The following CACNA1E variants were observed in gnomAD, a reference collection of about 807,000 sequenced individuals.
The protein encoded by CACNA1E is calcium voltage-gated channel subunit alpha1 E, also known as voltage-dependent R-type calcium channel subunit alpha-1E.
Under a neutral mutation model 259.2 loss-of-function variants are expected in CACNA1E, and 40 were observed. That is an observed-to-expected ratio of 0.15 (90% CI 0.12 to 0.20). The LOEUF (loss-of-function observed/expected upper bound fraction) is 0.20, where lower values mean the gene tolerates loss of function less well. Among genes scored for constraint, CACNA1E ranks in the 10% least tolerant of loss-of-function variants. The probability of loss-of-function intolerance (pLI) is 1.00; values close to 1 mark genes in which losing one functional copy is unlikely to be tolerated. For synonymous variants in CACNA1E, 1,104 were observed against 1,138.5 expected (o/e 0.97, Z 0.61); for missense variants, 1,874 against 3,040.1 (o/e 0.62, Z 9.02).
intron 1 of CACNA1E, among the ~76,000 whole-genome samples, chr1:181,333,921 C>G (rs1341713226): frequency 6.6e-6 from 1 of 152,252 alleles, no homozygotes; most frequent in Admixed American, 6.5e-5. Context: ...TCCCAAAGTG[C>G]TGGGATTTAC....
chr1:181,371,674 G>C (rs1000855497), intron 1 of CACNA1E, among the ~76,000 whole-genome samples: 1 of 152,176 alleles, frequency 6.6e-6, no homozygotes, highest in African/African-American at 2.4e-5. Flanking sequence ...CCTATGTTCA[G>C]AATGGTATTT....
chr1:181,788,671 T>A (rs1470947105), intron 43 of CACNA1E, among the ~76,000 whole-genome samples: 1 of 152,136 alleles, frequency 6.6e-6, no homozygotes, highest in East Asian at 1.9e-4. Flanking sequence ...AGGAGGCTAG[T>A]GACGTAGGGA....
Position 181,390,216 on chromosome 1 carries a change from C to T in CACNA1E, c.-14-22917C>T, listed in dbSNP as rs190762589. On this transcript the variant is annotated intron_variant, in intron 1 of 11. Transcript: ENST00000524607. ...CAAGGGAACAGGATCAGCGATGGCG[C>T]CAGGGTTCCCACTGTTGCTAACCTG... 4.1e-4 allele frequency among the ~76,000 whole-genome samples: 63 copies of T among 152,314 alleles called. No individual in the cohort carries two copies. In the East Asian group the frequency reaches 0.01, roughly 24 times the overall value.
intron 1 of CACNA1E, among the ~76,000 whole-genome samples, chr1:181,400,336 T>A (rs1326062548): frequency 1.3e-5 from 2 of 152,202 alleles, no homozygotes; most frequent in Non-Finnish European, 2.9e-5. Flanking sequence ...CTTTGATGTA[T>A]ATACAGTCAG....
chr1:181,637,054 T>C (rs1222443410), intron 6 of CACNA1E, among the ~76,000 whole-genome samples: 1 of 152,230 alleles, frequency 6.6e-6, no homozygotes, highest in Non-Finnish European at 1.5e-5. Context: ...CCAATCTTTG[T>C]CTGGGGCTCT....
At chr1:181,332,874 C>T (rs1651396653) in intron 1 of CACNA1E, among the ~76,000 whole-genome samples, 1 of 152,292 alleles carries the variant, frequency 6.6e-6, no homozygotes, top group South Asian at 2.1e-4. Context: ...AAAAGTCATT[C>T]TACTTGTAGC....
intron 5 of CACNA1E, 68 bp downstream of exon 5, chr1:181,579,292 C>T (rs1651284550): frequency 7.8e-7 from 1 of 1,284,850 alleles, no homozygotes; most frequent in East Asian, 2.4e-5. Context: ...AATTTCAGGG[C>T]ACTTGGAGGC....
intron 6 of CACNA1E, among the ~76,000 whole-genome samples, chr1:181,612,764 C>G (rs1235116167): frequency 6.6e-6 from 1 of 152,328 alleles, no homozygotes; most frequent in East Asian, 1.9e-4. Flanking sequence ...ACACAAGATA[C>G]CCCCTCCTTC....
chr1:181,482,664 C>T (rs1663380247), upstream of CACNA1E, among the ~76,000 whole-genome samples: 1 of 152,272 alleles, frequency 6.6e-6, no homozygotes, highest in Admixed American at 6.5e-5. Context: ...CCCCATTCTC[C>T]TTCCGCATCT....
rs201080304 is a variant in CACNA1E at position 181,651,439 on chromosome 1, C to G, written c.1053C>G (p.Ser351=). The stretch of plus-strand genomic sequence containing the variant: ...TCAACCTAGTCCTGGGAGTGCTTTC[C>G]GGGTGAGCCAGATGTTTCTCTCTTC... The part of the protein sequence containing the change: ...FVLNLVLGVL[S]GEFAKERERV... Residue 351 remains serine, a splice_region_variant and synonymous_variant, in exon 7 of 48, where the codon TCC becomes TCG. Transcript: ENST00000367573. 6.2e-7 allele frequency: 1 copy of G among 1,607,190 alleles called. No homozygotes were observed. The highest frequency in any genetic ancestry group is 1.1e-5 in the South Asian group (1 of 90,900).
At chr1:181,654,657 C>T (rs1263089700) in intron 7 of CACNA1E, among the ~76,000 whole-genome samples, 1 of 152,160 alleles carries the variant, frequency 6.6e-6, no homozygotes, top group Admixed American at 6.5e-5. Context: ...TCCTATGTAG[C>T]ACAGAGCAAC....
intron 1 of CACNA1E, among the ~76,000 whole-genome samples, chr1:181,497,125 C>T (rs185596798): frequency 1.4e-4 from 21 of 152,228 alleles, no homozygotes; most frequent in African/African-American, 5.1e-4. Flanking sequence ...CCACCTCCCC[C>T]CACCTGAAGT....
chr1:181,450,365 G>A (rs896761681), intron 2 of CACNA1E, among the ~76,000 whole-genome samples: 14 of 152,032 alleles, frequency 9.2e-5, no homozygotes, highest in Non-Finnish European at 1.0e-4. Context: ...CTTCCTTTAA[G>A]AACTGACATA....
At chr1:181,707,398 G>C (rs527341447) in intron 7 of CACNA1E, among the ~76,000 whole-genome samples, 1 of 152,100 alleles carries the variant, frequency 6.6e-6, no homozygotes, top group African/African-American at 2.4e-5. Context: ...CTACAATGGC[G>C]AAGAAGAGCA....
intron 7 of CACNA1E, among the ~76,000 whole-genome samples, chr1:181,655,741 T>C (rs772007520): frequency 2.0e-5 from 3 of 152,138 alleles, no homozygotes; most frequent in Non-Finnish European, 2.9e-5. Flanking sequence ...TATCAAGCAG[T>C]ATCAAGATTT....
chr1:181,665,256 C>T (rs1648105752), intron 7 of CACNA1E, among the ~76,000 whole-genome samples: 1 of 152,094 alleles, frequency 6.6e-6, no homozygotes, highest in Non-Finnish European at 1.5e-5. Flanking sequence ...CATTTTCACA[C>T]ATGTATATGA....
At chr1:181,471,331 G>A (rs1227891919) in intron 2 of CACNA1E, among the ~76,000 whole-genome samples, 3 of 152,182 alleles carry the variant, frequency 2.0e-5, no homozygotes, top group Non-Finnish European at 4.4e-5. Flanking sequence ...CATTTGGCAG[G>A]CCCAGGCTCC....
chr1:181,685,372 C>T (rs967078195), intron 7 of CACNA1E, among the ~76,000 whole-genome samples: 12 of 151,628 alleles, frequency 7.9e-5, no homozygotes, highest in Non-Finnish European at 1.6e-4. Flanking sequence ...ATGCCTTGTA[C>T]AAGTGTTGAG....
At chr1:181,662,072 T>C (rs1239062984) in intron 7 of CACNA1E, among the ~76,000 whole-genome samples, 1 of 151,962 alleles carries the variant, frequency 6.6e-6, no homozygotes, top group Non-Finnish European at 1.5e-5. Flanking sequence ...CAGAGTGGGG[T>C]GTTCATAATT....
Sources: gnomAD v4.1 joint callset for allele counts (sites outside exome capture counted in the v4.1 genomes callset) on GRCh38, gnomAD v4.1.1 for gene constraint, MANE v1.5 for transcripts, NCBI Gene and HGNC (gene_info 2026-07-23, HGNC 2026-07-21) for gene names.